The following SS18L1 variants were observed in gnomAD, a reference collection of about 807,000 sequenced individuals.
SS18L1 encodes SS18L1 subunit of BAF chromatin remodeling complex, also known as calcium-responsive transactivator.
Under a neutral mutation model 70.3 loss-of-function variants are expected in SS18L1, and 32 were observed. The observed-to-expected ratio is 0.46, with a 90% CI of 0.34 to 0.61. The LOEUF (loss-of-function observed/expected upper bound fraction) is 0.61, where lower values mean the gene tolerates loss of function less well. Among genes scored for constraint, SS18L1 ranks in the 20% least tolerant of loss-of-function variants. The pLI is 0.01. For synonymous variants in SS18L1, 237 were observed against 229.7 expected (o/e 1.03, Z -0.29); for missense variants, 430 against 542.1 (o/e 0.79, Z 2.05).
intron 8 of SS18L1, among the ~76,000 whole-genome samples, chr20:62,171,823 AGCC>A (rs954976274): frequency 3.9e-5 from 6 of 152,318 alleles, no homozygotes; most frequent in African/African-American, 1.4e-4. Flanking sequence ...GTTCGAGACC[AGCC>A]TGGGCAACAT....
intron 1 of SS18L1, among the ~76,000 whole-genome samples, chr20:62,144,688 T>G (rs1213305236): frequency 6.6e-6 from 1 of 152,252 alleles, no homozygotes; most frequent in Non-Finnish European, 1.5e-5. Context: ...TATGTGGGTT[T>G]GGGACACCGT....
In SS18L1 at chr20:62,174,987, TAG is replaced by T; in HGVS notation, c.1164+346_1164+347del. 1 of 884,624 alleles carries T rather than the reference TAG, an allele frequency of 1.1e-6. No individual in the cohort carries two copies. Among genetic ancestry groups the T allele is most frequent in the South Asian group, 5.2e-5 (1 of 19,238 alleles). 54.8% of individuals were successfully genotyped at this position (884,624 alleles called of 1,614,324 possible). A position where few individuals can be genotyped will look rare whatever the true frequency, so the allele number is the denominator to read the frequency against. ...GGCCGCGACACGAACCCTGCACTTT[TAG>T]AGCTTATGTCTCGCTACAGAGACAT... On this transcript the variant is annotated intron_variant, in intron 10 of 10. Coordinates refer to ENST00000331758, the MANE Select transcript of SS18L1 (RefSeq NM_198935.3). The surrounding 1 kb of genome is among the most constrained non-coding windows in gnomAD (Gnocchi z 4.1).
At chr20:62,162,992 A>G (rs1436140788) in intron 5 of SS18L1, 61 bp downstream of exon 5, 11 of 1,569,100 alleles carry the variant, frequency 7.0e-6, no homozygotes, top group South Asian at 1.2e-5. Flanking sequence ...CCCTTGACAC[A>G]TGCACGTTGG....
Position 62,163,635 on chromosome 20 carries a change from C to A in SS18L1, c.721+13C>A. 6.4e-7 allele frequency: 1 copy of A among 1,551,848 alleles called. No homozygotes were observed. Among genetic ancestry groups the A allele is most frequent in the South Asian group, 1.2e-5 (1 of 83,620 alleles). Reference sequence around the variant, plus strand: ...CCCTCCCAGCAAGGTAACGCCCGGCCGGGCCAGGTCGCGGGCACAGCTGAC... The same window carrying A: ...CCCTCCCAGCAAGGTAACGCCCGGCAGGGCCAGGTCGCGGGCACAGCTGAC... On this transcript the variant is annotated intron_variant, in intron 6 of 10. Transcript: ENST00000331758.
At chr20:62,177,771 GGAGTGCAGTGGCAC>G (rs748696944) in intron 10 of SS18L1, among the ~76,000 whole-genome samples, 43 of 152,230 alleles carry the variant, frequency 2.8e-4, no homozygotes, top group Non-Finnish European at 4.6e-4. Context: ...TGCCCAGGCT[GGAGTGCAGTGGCAC>G]GATCTCGCTC....
rs112198604 is a variant in SS18L1, at chr20:62,181,233, G to A, written c.*2025G>A. The A allele has an allele frequency of 2.7e-4, 54 of 203,300 alleles. No homozygotes were observed. The highest frequency in any genetic ancestry group is 6.6e-4 in the African/African-American group (29 of 43,774). 12.6% of individuals were successfully genotyped at this position (203,300 alleles called of 1,614,324 possible). A position where few individuals can be genotyped will look rare whatever the true frequency, so the allele number is the denominator to read the frequency against. On this transcript the variant is annotated 3_prime_UTR_variant, in exon 11 of 11. Transcript: ENST00000331758. Reference sequence around the variant, plus strand: ...CACTGGTAAGGGCTCAAAAATAAACGTATGTGTTCATATTCGATCACCGAA... The same window carrying A: ...CACTGGTAAGGGCTCAAAAATAAACATATGTGTTCATATTCGATCACCGAA...
chr20:62,151,353 G>A (rs2057126166), intron 1 of SS18L1, among the ~76,000 whole-genome samples: 2 of 152,120 alleles, frequency 1.3e-5, no homozygotes, highest in African/African-American at 2.4e-5. Context: ...GTCAGTCCCC[G>A]CTTGCCAAAT....
rs565291746 is a variant in SS18L1 at position 62,153,797 on chromosome 20, G to T, written c.70-4875G>T. On this transcript the variant is annotated intron_variant, in intron 1 of 10. Coordinates refer to ENST00000331758, the MANE Select transcript of SS18L1 (RefSeq NM_198935.3). ...GCCGAATTCCTTTGGCTTCTCTTGG[G>T]TTGGGTCTTGGGTCTTCTCCTGGGA... Among the ~76,000 whole-genome samples, 6 of 152,308 alleles carry T rather than the reference G, an allele frequency of 3.9e-5. No individual in the cohort carries two copies. The East Asian group carries it at 1.2e-3, about 29-fold the overall frequency.
chr20:62,175,559 G>A (rs1431885591), intron 10 of SS18L1: 10 of 602,780 alleles, frequency 1.7e-5, no homozygotes, highest in African/African-American at 2.0e-5. Flanking sequence ...AATGGTCTGG[G>A]ACATTTTTTG....
intron 10 of SS18L1, among the ~76,000 whole-genome samples, chr20:62,176,812 A>C (rs963152788): frequency 7.9e-5 from 12 of 152,302 alleles, no homozygotes; most frequent in African/African-American, 2.6e-4. Context: ...AGAAAAAGAC[A>C]CAGAGCAATG....
Position 62,159,916 on chromosome 20 carries a change from C to T in SS18L1, c.186C>T (p.Ala62=). ...QILHRNLVYL[A]TIADSNQNMQ... is the part of the protein sequence containing the mutation. ...TGCACCGGAACCTGGTATACCTGGC[C>T]ACGATCGCAGACTCCAACCAGAACA... The change falls in exon 3 of 11, where the codon GCC becomes GCT. Residue 62 remains alanine, a synonymous_variant. Coordinates refer to ENST00000331758, the MANE Select transcript of SS18L1 (RefSeq NM_198935.3). The surrounding 1 kb of genome is among the most constrained non-coding windows in gnomAD (Gnocchi z 4.4). The T allele has an allele frequency of 6.2e-7, 1 of 1,612,656 alleles. No individual in the cohort carries two copies.
rs575324553 is a variant in SS18L1 at position 62,172,824 on chromosome 20, G to A, written c.1036+23G>A. ...ACGGTAAGAGGCGAGCACGGTCCTC[G>A]GGGCCCCCCAGCGCCCACCCCTGCC... On this transcript the variant is annotated intron_variant, in intron 9 of 10. Transcript: ENST00000331758. The A allele has an allele frequency of 8.0e-5, 128 of 1,607,432 alleles. No homozygotes were observed. The South Asian group carries it at 1.1e-3, about 14-fold the overall frequency.
chr20:62,167,034 G>GTTTT (rs1235961398), intron 8 of SS18L1, among the ~76,000 whole-genome samples: 2 of 123,494 alleles, frequency 1.6e-5, no homozygotes, highest in East Asian at 5.2e-4. Flanking sequence ...GAGCTCAGGA[G>GTTTT]TTTGTTTGTT....
chr20:62,144,599 A>G (rs1027701061), intron 1 of SS18L1, among the ~76,000 whole-genome samples: 5 of 152,240 alleles, frequency 3.3e-5, no homozygotes, highest in African/African-American at 1.2e-4. Flanking sequence ...CGCCTCGCCT[A>G]ACAAACTTGA....
At chr20:62,162,350 G>A (rs2057345153) in intron 4 of SS18L1, among the ~76,000 whole-genome samples, 1 of 152,062 alleles carries the variant, frequency 6.6e-6, no homozygotes. Context: ...GGCCAGGCTG[G>A]AGTGCAATGG....
chr20:62,168,655 C>T (rs1461054774), intron 8 of SS18L1, among the ~76,000 whole-genome samples: 5 of 152,016 alleles, frequency 3.3e-5, no homozygotes, highest in South Asian at 2.1e-4. Flanking sequence ...CCCCTCTCTA[C>T]TAAAAAACAT....
Position 62,179,259 on chromosome 20 carries a change from C to T in SS18L1, c.*51C>T, listed in dbSNP as rs1196299251. 1 of 1,608,374 alleles carries T rather than the reference C, an allele frequency of 6.2e-7. No individual in the cohort carries two copies. Among genetic ancestry groups the T allele is most frequent in the Non-Finnish European group, 8.5e-7 (1 of 1,174,944 alleles). On this transcript the variant is annotated 3_prime_UTR_variant, in exon 11 of 11. Coordinates refer to ENST00000331758, the MANE Select transcript of SS18L1 (RefSeq NM_198935.3). ...TTGTGGTAGCGTGTTCATCCAGGGG[C>T]CGGATGGGCTGGCGGCAGCTCTGGT...
At chr20:62,177,381 C>T (rs1009446975) in intron 10 of SS18L1, among the ~76,000 whole-genome samples, 3 of 152,146 alleles carry the variant, frequency 2.0e-5, no homozygotes, top group African/African-American at 4.8e-5. Context: ...TGAGGCTTTC[C>T]GTCTTACCCA....
At chr20:62,156,236 G>T (rs961519265) in intron 1 of SS18L1, among the ~76,000 whole-genome samples, 4 of 152,194 alleles carry the variant, frequency 2.6e-5, no homozygotes, top group African/African-American at 7.2e-5. Flanking sequence ...CTCTGCCTGG[G>T]GGTTAGGAGT....
Sources: allele counts gnomAD v4.1 joint callset (sites outside exome capture counted in the v4.1 genomes callset), GRCh38; gene constraint gnomAD v4.1.1; non-coding constraint Gnocchi (gnomAD v3.1); transcripts MANE v1.5; gene names NCBI Gene and HGNC (gene_info 2026-07-23, HGNC 2026-07-21).